The following PPP4R4 variants were observed in gnomAD, a reference collection of about 807,000 sequenced individuals.
PPP4R4 encodes protein phosphatase 4 regulatory subunit 4, also known as serine/threonine-protein phosphatase 4 regulatory subunit 4.
A neutral mutation model predicts 121.8 loss-of-function variants in PPP4R4; 70 were observed. That is an observed-to-expected ratio of 0.57 (90% CI 0.47 to 0.70). The LOEUF is 0.70. Ranked by LOEUF, PPP4R4 falls within the 30% of genes least tolerant of loss-of-function variation. The pLI, the probability that PPP4R4 is intolerant of heterozygous loss-of-function variation, is 0.00. For synonymous variants in PPP4R4, 348 were observed against 355.7 expected (o/e 0.98, Z 0.24); for missense variants, 875 against 1,033.6 (o/e 0.85, Z 2.10).
In PPP4R4 at chr14:94,278,933, C is replaced by T. The variant is rs1357264556; in HGVS notation, c.*290C>T. On this transcript the variant is annotated 3_prime_UTR_variant, in exon 25 of 25. Coordinates refer to ENST00000304338, the MANE Select transcript of PPP4R4 (RefSeq NM_058237.2). ...AACATCTCTAGGAATGTGCTTTAAC[C>T]ACTGCTGCAAAAGAGACAAGTCTGC... 7 of 210,070 alleles carry T rather than the reference C, an allele frequency of 3.3e-5. No homozygotes were observed. In the East Asian group the frequency reaches 6.4e-4, roughly 19 times the overall value. 13.0% of individuals were successfully genotyped at this position (210,070 alleles called of 1,614,324 possible).
intron 3 of PPP4R4, among the ~76,000 whole-genome samples, chr14:94,221,324 A>C (rs983320234): frequency 1.3e-5 from 2 of 152,164 alleles, no homozygotes; most frequent in Non-Finnish European, 1.5e-5. Flanking sequence ...AGTTTCTTAC[A>C]TATGACTCTA....
intron 2 of PPP4R4, among the ~76,000 whole-genome samples, chr14:94,179,333 T>C (rs1888848928): frequency 6.6e-6 from 1 of 152,230 alleles, no homozygotes; most frequent in African/African-American, 2.4e-5. Context: ...TATGGCCTTT[T>C]GTGACTGACT....
In PPP4R4 at chr14:94,246,501, C is replaced by G. The variant is rs369442782; in HGVS notation, c.1573C>G (p.Arg525Gly). 6.2e-7 allele frequency: 1 copy of G among 1,613,698 alleles called. No homozygotes were observed. Among genetic ancestry groups the G allele is most frequent in the South Asian group, 1.1e-5 (1 of 91,006 alleles). The change falls in exon 14 of 25, where the codon CGT becomes GGT. Residue 525 changes from arginine to glycine, a missense_variant. Physicochemically the swap from Arg to Gly is moderately radical, Grantham distance 125 (BLOSUM62 -2). Coordinates refer to ENST00000304338, the MANE Select transcript of PPP4R4 (RefSeq NM_058237.2). ...CATATCAAGCGATCAGATTTATTAC[C>G]GTTTCTTACAAAGAATGTTCACAAT... ...HVISSDQIYY[R>G]FLQRMFTIMM... is the part of the protein sequence containing the mutation.
intron 2 of PPP4R4, among the ~76,000 whole-genome samples, chr14:94,198,738 T>TA (rs570514005): frequency 1.2e-4 from 19 of 152,348 alleles, no homozygotes; most frequent in Middle Eastern, 3.4e-3. Context: ...TGTGTTTGTA[T>TA]ACGGCTATTT....
chr14:94,277,148 A>C (rs901243654), intron 24 of PPP4R4, among the ~76,000 whole-genome samples: 8 of 152,154 alleles, frequency 5.3e-5, no homozygotes, highest in Non-Finnish European at 7.3e-5. Flanking sequence ...AAAAATTACA[A>C]AAATTAGCTA....
chr14:94,190,648 A>AT, intron 2 of PPP4R4, among the ~76,000 whole-genome samples: 1 of 152,218 alleles, frequency 6.6e-6, no homozygotes, highest in East Asian at 1.9e-4. Context: ...TTTTAAAGGA[A>AT]TTTTTACTGC....
intron 8 of PPP4R4, 68 bp downstream of exon 8, chr14:94,237,754 A>G: frequency 2.0e-6 from 3 of 1,520,950 alleles, no homozygotes; most frequent in Non-Finnish European, 2.7e-6. Flanking sequence ...GTCACTAATA[A>G]GGAATAAAAG....
In PPP4R4 at chr14:94,231,333, G is replaced by T; in HGVS notation, c.516+18G>T. 2 of 1,572,538 alleles carry T rather than the reference G, an allele frequency of 1.3e-6. No individual in the cohort carries two copies. The highest frequency in any genetic ancestry group is 1.4e-5 in the African/African-American group (1 of 74,030). ...GGCATGAGGTAATACTTTCATGGGG[G>T]CAAATACTAATAAGTAAGTCACTCT... On this transcript the variant is annotated intron_variant, in intron 5 of 24. Transcript: ENST00000304338.
chr14:94,175,036 G>C (rs951052581), intron 1 of PPP4R4, among the ~76,000 whole-genome samples: 3 of 141,966 alleles, frequency 2.1e-5, no homozygotes, highest in African/African-American at 8.1e-5. Flanking sequence ...GTCCTCTCCT[G>C]GGCTCCCCAA....
At chr14:94,229,289 A>G (rs1186950698) in intron 3 of PPP4R4, among the ~76,000 whole-genome samples, 2 of 151,990 alleles carry the variant, frequency 1.3e-5, no homozygotes, top group African/African-American at 4.8e-5. Context: ...CAGATTCTGG[A>G]TTTGTTTTGA....
chr14:94,253,894 A>G (rs1347650027), intron 16 of PPP4R4, among the ~76,000 whole-genome samples: 2 of 152,160 alleles, frequency 1.3e-5, no homozygotes, highest in African/African-American at 4.8e-5. Context: ...TGCTTTAGGG[A>G]TGTGCAGATA....
At chr14:94,274,355 T>C (rs907564064) in intron 23 of PPP4R4, among the ~76,000 whole-genome samples, 4 of 151,994 alleles carry the variant, frequency 2.6e-5, no homozygotes, top group East Asian at 1.9e-4. Context: ...AGGCAAGGCA[T>C]AGATTTGGAG....
intron 3 of PPP4R4, among the ~76,000 whole-genome samples, chr14:94,210,400 C>A (rs1890684188): frequency 6.6e-6 from 1 of 150,686 alleles, no homozygotes; most frequent in Admixed American, 6.6e-5. Flanking sequence ...TAAGGTATGC[C>A]TGAGTTTTAG....
chr14:94,174,853 A>G (rs1424378775), intron 1 of PPP4R4, among the ~76,000 whole-genome samples: 1 of 150,038 alleles, frequency 6.7e-6, no homozygotes, highest in Non-Finnish European at 1.5e-5. Flanking sequence ...GACCGGCGCC[A>G]GCCCCGCGGC....
intron 3 of PPP4R4, among the ~76,000 whole-genome samples, 188 bp downstream of exon 3, chr14:94,208,754 A>G (rs892242487): frequency 6.6e-6 from 1 of 152,076 alleles, no homozygotes; most frequent in Non-Finnish European, 1.5e-5. Context: ...GAAATGGAGA[A>G]ATCCAGATCT....
intron 2 of PPP4R4, among the ~76,000 whole-genome samples, chr14:94,206,912 G>A (rs1442451994): frequency 1.3e-5 from 2 of 151,966 alleles, no homozygotes; most frequent in Non-Finnish European, 2.9e-5. Context: ...ATGTCAGCAG[G>A]GATCTAGAGG....
intron 16 of PPP4R4, among the ~76,000 whole-genome samples, chr14:94,255,490 A>G (rs751005518): frequency 5.1e-4 from 78 of 151,966 alleles, no homozygotes; most frequent in Non-Finnish European, 2.4e-4. Context: ...AGTCCCAGCT[A>G]CTCGGGAGGC....
intron 17 of PPP4R4, 33 bp from the exon 18 acceptor site, chr14:94,258,750 A>T: frequency 7.0e-7 from 1 of 1,437,836 alleles, no homozygotes; most frequent in Non-Finnish European, 9.7e-7. Flanking sequence ...TAATTTAATT[A>T]CTTTAGAATA....
chr14:94,250,688 T>C (rs1394279253), intron 15 of PPP4R4, among the ~76,000 whole-genome samples: 1 of 151,992 alleles, frequency 6.6e-6, no homozygotes, highest in Non-Finnish European at 1.5e-5. Flanking sequence ...AATATTAATT[T>C]GATGAGCCTA....
Sources: gnomAD v4.1 joint callset for allele counts (sites outside exome capture counted in the v4.1 genomes callset) on GRCh38, gnomAD v4.1.1 for gene constraint, MANE v1.5 for transcripts, NCBI Gene and HGNC (gene_info 2026-07-23, HGNC 2026-07-21) for gene names.